GRM5: variants seen among roughly 807,000 people sequenced by gnomAD.
GRM5 encodes glutamate metabotropic receptor 5.
A neutral mutation model predicts 83.1 loss-of-function variants in GRM5; 19 were observed. The observed-to-expected ratio is 0.23, with a 90% CI of 0.16 to 0.34. The LOEUF (loss-of-function observed/expected upper bound fraction) is 0.34, where lower values mean the gene tolerates loss of function less well. GRM5 is among the 10% of genes least tolerant of loss of function. The probability of loss-of-function intolerance (pLI) is 1.00; values close to 1 mark genes in which losing one functional copy is unlikely to be tolerated. For missense variants in GRM5, 1,160 were observed against 1,588.3 expected, an observed-to-expected ratio of 0.73 and a Z score of 4.58; for synonymous variants, 675 against 633.6, an observed-to-expected ratio of 1.07 and a Z score of -0.98.
At chr11:89,044,334 C>G (rs1317852631) in intron 2 of GRM5, among the ~76,000 whole-genome samples, 1 of 152,022 alleles carries the variant, frequency 6.6e-6, no homozygotes, top group Non-Finnish European at 1.5e-5. Flanking sequence ...AAGTTCCAGG[C>G]ATAATTTCTG....
At chr11:88,731,406 T>A (rs2135406849) in intron 3 of GRM5, among the ~76,000 whole-genome samples, 1 of 152,176 alleles carries the variant, frequency 6.6e-6, no homozygotes, top group Non-Finnish European at 1.5e-5. Context: ...ACCTTAGACC[T>A]CACGTCTTTC....
chr11:88,704,244 A>T (rs1197412028), intron 3 of GRM5, among the ~76,000 whole-genome samples: 1 of 152,056 alleles, frequency 6.6e-6, no homozygotes, highest in African/African-American at 2.4e-5. Flanking sequence ...TCAATATATG[A>T]ATTTGAGGGA....
intron 2 of GRM5, among the ~76,000 whole-genome samples, chr11:88,859,406 A>G (rs985817512): frequency 1.3e-5 from 2 of 152,076 alleles, no homozygotes; most frequent in East Asian, 3.8e-4. Context: ...CATCATCATC[A>G]CCATCCTCAA....
At chr11:88,994,047 T>C (rs1423111322) in intron 2 of GRM5, among the ~76,000 whole-genome samples, 2 of 151,782 alleles carry the variant, frequency 1.3e-5, no homozygotes, top group African/African-American at 4.8e-5. Context: ...AAAAGCAATA[T>C]ACAAAAATCA....
chr11:88,650,874 G>T (rs1939613598), intron 4 of GRM5, among the ~76,000 whole-genome samples: 1 of 151,884 alleles, frequency 6.6e-6, no homozygotes, highest in African/African-American at 2.4e-5. Flanking sequence ...AACTTATTTT[G>T]TCTCTCTAAA....
intron 3 of GRM5, among the ~76,000 whole-genome samples, chr11:88,707,069 C>T (rs1390598565): frequency 6.6e-6 from 1 of 152,056 alleles, no homozygotes; most frequent in Admixed American, 6.6e-5. Context: ...TTCTGAGTCC[C>T]TCCAGGAGAA....
At chr11:88,755,251 G>A (rs1942372625) in intron 3 of GRM5, among the ~76,000 whole-genome samples, 1 of 152,064 alleles carries the variant, frequency 6.6e-6, no homozygotes, top group African/African-American at 2.4e-5. Flanking sequence ...AATAGTTTCA[G>A]AAAACAGAGT....
At chr11:88,994,445 TTATATATATATATATATATATATA>T (rs58154444) in intron 2 of GRM5, among the ~76,000 whole-genome samples, 1,348 of 86,934 alleles carry the variant, frequency 0.016, 24 homozygotes, top group African/African-American at 0.045. Context: ...CTTTAACTGA[TTATATATATATATATATATATATA>T]TATATATATA....
At chr11:88,745,545 G>T (rs889479540) in intron 3 of GRM5, among the ~76,000 whole-genome samples, 6 of 152,076 alleles carry the variant, frequency 3.9e-5, no homozygotes, top group Non-Finnish European at 7.4e-5. Context: ...CTTAGGCTGA[G>T]CAGTTCGTTT....
In GRM5 at chr11:88,506,920, T is replaced by C. The variant is rs1047786304; in HGVS notation, c.*1672A>G. The C allele has an allele frequency of 6.6e-6, 1 of 150,528 alleles. No individual in the cohort carries two copies. The highest frequency in any genetic ancestry group is 6.6e-5 in the Admixed American group (1 of 15,196). The allele number at this position is 150,528 out of a possible 1,614,324, so 9.3% of individuals were successfully genotyped here. Reference sequence around the variant, plus strand: ...TATTATTCTCTCTGCCAAAATATACTTCTGCCTCACAGCACATATTTTTCA... The same window carrying C: ...TATTATTCTCTCTGCCAAAATATACCTCTGCCTCACAGCACATATTTTTCA... On this transcript the variant is annotated 3_prime_UTR_variant, in exon 10 of 10. Transcript: ENST00000305447.
intron 1 of GRM5, among the ~76,000 whole-genome samples, chr11:89,064,950 G>GATAT (rs1388641492): frequency 8.2e-5 from 10 of 121,796 alleles, no homozygotes; most frequent in African/African-American, 2.9e-4. Flanking sequence ...GGGAGAGAGA[G>GATAT]ATATTATTTT....
chr11:89,055,642 A>G (rs1265897870), intron 1 of GRM5, among the ~76,000 whole-genome samples: 1 of 152,026 alleles, frequency 6.6e-6, no homozygotes, highest in African/African-American at 2.4e-5. Context: ...ACTTGGTATC[A>G]GCTCTTATAT....
In GRM5 at chr11:88,781,753, C is replaced by T. The variant is rs1416879737; in HGVS notation, c.911+68153G>A. On this transcript the variant is annotated intron_variant, in intron 3 of 9. Coordinates refer to ENST00000305447, the MANE Select transcript of GRM5 (RefSeq NM_001143831.3). ...TGTGCTGACCACAATCTCCTCTGGC[C>T]ACCTCAGGGAAACTAGCATCATGGA... 3.3e-5 allele frequency among the ~76,000 whole-genome samples: 5 copies of T among 152,182 alleles called. No individual in the cohort carries two copies. In the East Asian group the frequency reaches 9.6e-4, roughly 29 times the overall value.
intron 3 of GRM5, among the ~76,000 whole-genome samples, chr11:88,662,429 T>C (rs1939932092): frequency 6.6e-6 from 1 of 152,162 alleles, no homozygotes; most frequent in Admixed American, 6.6e-5. Flanking sequence ...AGATTGTATA[T>C]TGAAAATGTG....
chr11:88,830,804 G>A (rs1434152629), intron 3 of GRM5, among the ~76,000 whole-genome samples: 1 of 152,140 alleles, frequency 6.6e-6, no homozygotes, highest in Non-Finnish European at 1.5e-5. Context: ...AAAAGGAAGA[G>A]GTTTAATTGG....
At chr11:88,850,627 A>T (rs538785791) in intron 2 of GRM5, among the ~76,000 whole-genome samples, 67 of 144,362 alleles carry the variant, frequency 4.6e-4, no homozygotes, top group African/African-American at 1.4e-3. Flanking sequence ...TTTATAAAGT[A>T]TTATATTATA....
rs181429808 is a variant in GRM5, at chr11:88,892,306, C to G, written c.662-42151G>C. On this transcript the variant is annotated intron_variant, in intron 2 of 9. Transcript: ENST00000305447. ...ACCTTGGGGAAGACTGGCCTCATACCTTGTCTACACAGTCCCTGGACAGGT... is the reference window on the plus strand; with the variant it reads ...ACCTTGGGGAAGACTGGCCTCATACGTTGTCTACACAGTCCCTGGACAGGT... Among the ~76,000 whole-genome samples the G allele has an allele frequency of 3.2e-3, 491 of 151,806 alleles. 1 individual carries two copies. Among genetic ancestry groups the G allele is most frequent in the African/African-American group, 0.012 (481 of 41,434 alleles).
At position 88,509,291 on chromosome 11, in the gene GRM5, C is replaced by A. The variant is rs757047917; in HGVS notation, c.2940G>T (p.Ala980=). The A allele has an allele frequency of 4.0e-6, 6 of 1,492,464 alleles. No homozygotes were observed. Among genetic ancestry groups the A allele is most frequent in the Non-Finnish European group, 5.3e-6 (6 of 1,124,596 alleles). 92.5% of individuals were successfully genotyped at this position (1,492,464 alleles called of 1,614,324 possible). A position where few individuals can be genotyped will look rare whatever the true frequency, so the allele number is the denominator to read the frequency against. ...CGCCTGGGCCGGCGCCTGCGCAGCC[C>A]GCACCGCCCGTGGCCCCCACGCCCC... is the stretch of plus-strand genomic sequence containing the variant. ...SAGGVGATGG[A]GCAGAGPGGP... The change falls in exon 10 of 10, where the codon GCG becomes GCT. Residue 980 remains alanine (A), a synonymous_variant. Coordinates refer to ENST00000305447, the MANE Select transcript of GRM5 (RefSeq NM_001143831.3).
intron 2 of GRM5, among the ~76,000 whole-genome samples, chr11:88,995,434 A>C (rs1256971433): frequency 2.0e-5 from 3 of 151,194 alleles, no homozygotes; most frequent in Non-Finnish European, 4.4e-5. Context: ...AGTCCCAGCT[A>C]CTAGGGAGGC....
Sources: gnomAD v4.1 joint callset for allele counts (sites outside exome capture counted in the v4.1 genomes callset) on GRCh38, gnomAD v4.1.1 for gene constraint, MANE v1.5 for transcripts, NCBI Gene and HGNC (gene_info 2026-07-23, HGNC 2026-07-21) for gene names.